Variants in SEC23A observed in about 807,000 individuals in gnomAD.
The protein encoded by SEC23A is SEC23 homolog A, COPII component.
SEC23A carries 56 observed loss-of-function variants against 103.7 expected under a neutral mutation model. That is an observed-to-expected ratio of 0.54 (90% CI 0.44 to 0.67). The LOEUF is 0.67. SEC23A is among the 30% of genes least tolerant of loss of function. The pLI is 0.00. For synonymous variants in SEC23A, 281 were observed against 293.0 expected (o/e 0.96, Z 0.42); for missense variants, 784 against 936.4 (o/e 0.84, Z 2.12).
Position 39,091,654 on chromosome 14 carries a change from T to C in SEC23A, c.426A>G (p.Glu142=). The C allele has an allele frequency of 6.2e-7, 1 of 1,614,042 alleles. No individual in the cohort carries two copies. Among genetic ancestry groups the C allele is most frequent in the Non-Finnish European group, 8.5e-7 (1 of 1,179,948 alleles). The stretch of plus-strand genomic sequence containing the variant: ...TGGATTCTTTCAGGGCTTGTAAATC[T>C]TCATCTTCCATGCAAGTATCAACCA... The part of the protein sequence containing the change: ...LYVVDTCMED[E]DLQALKESMQ... Residue 142 remains glutamate, a synonymous_variant, in exon 5 of 20, where the codon GAA becomes GAG. Transcript: ENST00000307712.
At chr14:39,038,928 G>A in intron 19 of SEC23A, 103 bp downstream of exon 19, 1 of 1,014,586 alleles carries the variant, frequency 9.9e-7, no homozygotes. Context: ...TTTTCCAACA[G>A]AAACCATTAC....
intron 14 of SEC23A, among the ~76,000 whole-genome samples, chr14:39,050,768 G>A (rs1886027809): frequency 6.6e-6 from 1 of 151,804 alleles, no homozygotes. Flanking sequence ...GCCTGGGTAA[G>A]TAATATGGCA....
intron 3 of SEC23A, 81 bp downstream of exon 3, chr14:39,093,106 A>G: frequency 9.1e-7 from 1 of 1,104,890 alleles, no homozygotes; most frequent in Non-Finnish European, 1.4e-6. Flanking sequence ...TGACCTCGTG[A>G]TCCACCCGCC....
chr14:39,035,900 C>T (rs946229055), intron 19 of SEC23A, among the ~76,000 whole-genome samples: 2 of 152,052 alleles, frequency 1.3e-5, no homozygotes, highest in African/African-American at 4.8e-5. Flanking sequence ...TAGGACGGTG[C>T]TATGGTTTGA....
At chr14:39,073,780 T>C (rs1459207339) in intron 9 of SEC23A, among the ~76,000 whole-genome samples, 1 of 151,320 alleles carries the variant, frequency 6.6e-6, no homozygotes, top group African/African-American at 2.4e-5. Flanking sequence ...CACCTAATTT[T>C]TGTATTTTTA....
At chr14:39,072,253 A>G (rs72671382) in intron 9 of SEC23A, among the ~76,000 whole-genome samples, 12,001 of 152,158 alleles carry the variant, frequency 0.079, 488 homozygotes, top group African/African-American at 0.11. Flanking sequence ...AGTGAGGGAA[A>G]AAACCCATAA....
intron 7 of SEC23A, among the ~76,000 whole-genome samples, chr14:39,079,618 G>A (rs995092242): frequency 3.9e-5 from 6 of 152,046 alleles, no homozygotes; most frequent in Admixed American, 6.6e-5. Context: ...TCAGGAGTTC[G>A]AGACCAGCCT....
intron 7 of SEC23A, among the ~76,000 whole-genome samples, chr14:39,083,879 T>C (rs1487953163): frequency 1.3e-5 from 2 of 151,886 alleles, no homozygotes; most frequent in African/African-American, 2.4e-5. Context: ...ATTAACTTTC[T>C]AAATTAATTG....
At chr14:39,034,656 G>A (rs992024371) in intron 19 of SEC23A, among the ~76,000 whole-genome samples, 3 of 152,030 alleles carry the variant, frequency 2.0e-5, no homozygotes, top group Non-Finnish European at 4.4e-5. Flanking sequence ...CAAAATATAA[G>A]GATTTCCTAA....
intron 14 of SEC23A, among the ~76,000 whole-genome samples, chr14:39,049,017 A>T (rs1224312360): frequency 6.6e-6 from 1 of 152,112 alleles, no homozygotes; most frequent in Non-Finnish European, 1.5e-5. Context: ...GAGCTCTTAG[A>T]TAACAACAAA....
intron 12 of SEC23A, 65 bp from the exon 13 acceptor site, chr14:39,061,936 G>A (rs990438294): frequency 1.0e-6 from 1 of 968,420 alleles, no homozygotes; most frequent in Non-Finnish European, 1.7e-6. Context: ...ATAATCACAG[G>A]CTACATGTCC....
At chr14:39,065,807 T>C (rs1371960978) in intron 10 of SEC23A, among the ~76,000 whole-genome samples, 1 of 152,046 alleles carries the variant, frequency 6.6e-6, no homozygotes, top group Admixed American at 6.6e-5. Flanking sequence ...AAGACCAGCC[T>C]GACCAACATG....
intron 10 of SEC23A, among the ~76,000 whole-genome samples, chr14:39,066,523 A>G (rs1886675111): frequency 6.6e-6 from 1 of 152,020 alleles, no homozygotes; most frequent in African/African-American, 2.4e-5. Context: ...GTTAGATAAC[A>G]ATTCCTATCA....
intron 7 of SEC23A, among the ~76,000 whole-genome samples, chr14:39,081,614 C>G (rs1887227587): frequency 6.6e-6 from 1 of 152,078 alleles, no homozygotes; most frequent in African/African-American, 2.4e-5. Context: ...TATTCTAGGA[C>G]TGAGCAAATA....
chr14:39,048,671 G>T lies in SEC23A; in HGVS notation c.1718C>A (p.Thr573Asn), dbSNP rs2139199749. ...ACTTACCTGTGGATAAAGGGAGAAA[G>T]TTTCTGAAAATCTGAAGGAACTTGG... ...DDPSSFRFSETFSLYPQFMFH... is the reference protein window; with the variant it reads ...DDPSSFRFSENFSLYPQFMFH... The change falls in exon 15 of 20, where the codon ACT becomes AAT. Residue 573 changes from threonine (T) to asparagine (N), a missense_variant. Physicochemically the swap from Thr to Asn is moderately conservative, Grantham distance 65. Coordinates refer to ENST00000307712, the MANE Select transcript of SEC23A (RefSeq NM_006364.4). 6 of 1,596,392 alleles carry T rather than the reference G, an allele frequency of 3.8e-6. No homozygotes were observed. The highest frequency in any genetic ancestry group is 5.2e-6 in the Non-Finnish European group (6 of 1,164,004).
chr14:39,055,218 C>G lies in SEC23A; in HGVS notation c.1584G>C (p.Arg528=), dbSNP rs762649745. The G allele has an allele frequency of 6.2e-7, 1 of 1,614,006 alleles. No homozygotes were observed. The highest frequency in any genetic ancestry group is 1.7e-5 in the Admixed American group (1 of 59,990). The change falls in exon 14 of 20, where the codon CGG becomes CGC. Residue 528 remains arginine (R), a synonymous_variant. Coordinates refer to ENST00000307712, the MANE Select transcript of SEC23A (RefSeq NM_006364.4). ...CTGTTTCTGCTCTATATATTGCTAG[C>G]CGGGCCATAAGAATGGCAGCTGCCT... ...DQEAAAILMA[R]LAIYRAETEE...
At position 39,045,172 on chromosome 14, in the gene SEC23A, T is replaced by C. The variant is rs1409105360; in HGVS notation, c.1890A>G (p.Gly630=). The change falls in exon 16 of 20, where the codon GGA becomes GGG. Residue 630 remains glycine, a synonymous_variant. Coordinates refer to ENST00000307712, the MANE Select transcript of SEC23A (RefSeq NM_006364.4). The stretch of plus-strand genomic sequence containing the variant: ...TTTCTGTCCCTCTTACCTCTGGTGG[T>C]CCACTAAAAGAATACGCATACAGGA... ...QPILYAYSFS[G]PPEPVLLDSS... 1 of 1,613,540 alleles carries C rather than the reference T, an allele frequency of 6.2e-7. No individual in the cohort carries two copies. The highest frequency in any genetic ancestry group is 2.2e-5 in the East Asian group (1 of 44,794).
chr14:39,101,491 G>A (rs1043986502), intron 1 of SEC23A, among the ~76,000 whole-genome samples: 16 of 151,896 alleles, frequency 1.1e-4, no homozygotes, highest in Admixed American at 5.2e-4. Flanking sequence ...GGTGGCGGTC[G>A]CCTGTAGTCC....
At chr14:39,081,469 G>A (rs1356946031) in intron 7 of SEC23A, among the ~76,000 whole-genome samples, 1 of 152,128 alleles carries the variant, frequency 6.6e-6, no homozygotes, top group Non-Finnish European at 1.5e-5. Flanking sequence ...GGCAGTGGAG[G>A]GGAATAACCC....
Sources: allele counts gnomAD v4.1 joint callset (sites outside exome capture counted in the v4.1 genomes callset), GRCh38; gene constraint gnomAD v4.1.1; transcripts MANE v1.5; gene names NCBI Gene and HGNC (gene_info 2026-07-23, HGNC 2026-07-21).